The following GDF1 variants were observed in gnomAD, a reference collection of about 807,000 sequenced individuals.
GDF1 encodes the protein growth differentiation factor 1.
Under a neutral mutation model 7.4 loss-of-function variants are expected in GDF1, and 8 were observed. That is an observed-to-expected ratio of 1.09 (90% confidence interval 0.64 to 1.96). The LOEUF is 1.96. Among genes scored for constraint, GDF1 ranks in the 30% most tolerant of loss-of-function variants. The pLI, the probability that GDF1 is intolerant of heterozygous loss-of-function variation, is 0.00. For missense variants in GDF1, 574 were observed against 551.5 expected (o/e 1.04, Z -0.41); for synonymous variants, 311 against 276.7 (o/e 1.12, Z -1.23).
intron 3 of GDF1, among the ~76,000 whole-genome samples, chr19:18,882,880 A>T (rs555983672): frequency 1.3e-5 from 2 of 151,886 alleles, no homozygotes; most frequent in Non-Finnish European, 2.9e-5. Flanking sequence ...TTTAGTAGAG[A>T]CACGGTTTCA....
rs2146084568 is a variant in GDF1 at position 18,895,949 on chromosome 19, A to C, written c.-1199T>G. ...GCCAGGCCGCGACGCGCCAGCCCCC[A>C]GCCGCAGTCCGTGCAGCCCCGCGCC... On this transcript the variant is annotated 5_prime_UTR_variant, in exon 1 of 8. Coordinates refer to ENST00000247005, the MANE Select transcript of GDF1 (RefSeq NM_001492.6). This position sits in a 1 kb window ranked among gnomAD's most constrained non-coding sequence, Gnocchi z 6.4. 8.6e-7 allele frequency: 1 copy of C among 1,161,436 alleles called. No homozygotes were observed. The highest frequency in any genetic ancestry group is 2.6e-5 in the South Asian group (1 of 39,180). 71.9% of individuals were successfully genotyped at this position (1,161,436 alleles called of 1,614,324 possible).
intron 3 of GDF1, among the ~76,000 whole-genome samples, chr19:18,883,671 C>G (rs773662032): frequency 6.6e-6 from 1 of 152,244 alleles, no homozygotes; most frequent in Non-Finnish European, 1.5e-5. Context: ...GGCTCACTGA[C>G]GGCTGTGGTT....
At chr19:18,872,843 T>G (rs2055999258) in intron 6 of GDF1, among the ~76,000 whole-genome samples, 1 of 152,160 alleles carries the variant, frequency 6.6e-6, no homozygotes, top group Non-Finnish European at 1.5e-5. Flanking sequence ...GAGATGGGAT[T>G]TCACCACGTT....
At chr19:18,874,573 G>C (rs2056029113) in intron 6 of GDF1, among the ~76,000 whole-genome samples, 1 of 152,242 alleles carries the variant, frequency 6.6e-6, no homozygotes, top group South Asian at 2.1e-4. Flanking sequence ...AGAGGTGAGA[G>C]TGTCTCAACG....
intron 7 of GDF1, 96 bp downstream of exon 7, chr19:18,869,887 C>G: frequency 8.0e-7 from 1 of 1,253,992 alleles, no homozygotes; most frequent in Non-Finnish European, 1.1e-6. Flanking sequence ...GGGTGGGGAC[C>G]CTCGGAGCTG....
chr19:18,875,234 TAA>T (rs869211539), intron 6 of GDF1, among the ~76,000 whole-genome samples: 58 of 122,052 alleles, frequency 4.8e-4, no homozygotes, highest in Non-Finnish European at 4.0e-4. Flanking sequence ...GGACCGTCTC[TAA>T]AAAAAAAAAA....
chr19:18,884,417 A>ATT (rs11297387), intron 2 of GDF1, 150 bp from the exon 3 acceptor site: 817 of 560,402 alleles, frequency 1.5e-3, no homozygotes, highest in Non-Finnish European at 1.7e-3. Flanking sequence ...TCCCAATTCT[A>ATT]TTTTTTTTTT....
chr19:18,874,718 C>T (rs1269744939), intron 6 of GDF1, among the ~76,000 whole-genome samples: 1 of 152,188 alleles, frequency 6.6e-6, no homozygotes, highest in Admixed American at 6.5e-5. Context: ...TGGCTACCCA[C>T]ATCACCAGGG....
chr19:18,885,511 G>GTT (rs59793456), intron 2 of GDF1, among the ~76,000 whole-genome samples: 613 of 22,040 alleles, frequency 0.028, 38 homozygotes, highest in African/African-American at 0.059. Context: ...GCCCCTTCTC[G>GTT]TTTTTTTTTT....
rs1005717275 is a variant in GDF1 at position 18,878,019 on chromosome 19, A to G, written c.-313+911T>C. 8.1e-6 allele frequency: 8 copies of G among 985,254 alleles called. No individual in the cohort carries two copies. The highest frequency in any genetic ancestry group is 1.2e-4 in the Admixed American group (2 of 16,238). 61.0% of individuals were successfully genotyped at this position (985,254 alleles called of 1,614,324 possible). On this transcript the variant is annotated intron_variant, in intron 6 of 7. Coordinates refer to ENST00000247005, the MANE Select transcript of GDF1 (RefSeq NM_001492.6). This position sits in a 1 kb window ranked among gnomAD's most constrained non-coding sequence, Gnocchi z 4.6. ...GGGTCTGACGCTCCTCTGCCTGGCT[A>G]CAGCCCCGGATGTGTTAAATGTCTG...
chr19:18,869,063 GC>G lies in GDF1; in HGVS notation c.652del (p.Ala218ArgfsTer21). On this transcript the variant is annotated frameshift_variant, in exon 8 of 8. Transcript: ENST00000247005. LOFTEE classifies it low-confidence loss of function (END_TRUNC). ...SWPRSLRLAL[A>X]LRPRAPAACA... ...GGCGGCAGGGGCCCGGGGGCGTAGC[GC>G]CAGCGCCAGGCGGAGGCTGCGCGGC... The G allele has an allele frequency of 9.4e-7, 1 of 1,059,810 alleles. No homozygotes were observed. Among genetic ancestry groups the G allele is most frequent in the Non-Finnish European group, 1.1e-6 (1 of 879,002 alleles). 65.7% of individuals were successfully genotyped at this position (1,059,810 alleles called of 1,614,324 possible). A position where few individuals can be genotyped will look rare whatever the true frequency, so the allele number is the denominator to read the frequency against.
intron 2 of GDF1, among the ~76,000 whole-genome samples, chr19:18,890,880 T>C (rs187554827): frequency 3.0e-4 from 46 of 151,354 alleles, no homozygotes; most frequent in African/African-American, 1.1e-3. Context: ...TCCTGACACT[T>C]TGGGAGGCTG....
Position 18,870,243 on chromosome 19 carries a change from G to A in GDF1, c.65C>T (p.Pro22Leu). The change falls in exon 7 of 8, where the codon CCC becomes CTC. Residue 22 changes from proline (P) to leucine (L), a missense_variant. Coordinates refer to ENST00000247005, the MANE Select transcript of GDF1 (RefSeq NM_001492.6). This position sits in a 1 kb window ranked among gnomAD's most constrained non-coding sequence, Gnocchi z 5.1. The stretch of plus-strand genomic sequence containing the variant: ...GGGGGCGCGGGTCAGGGGCAGCGAG[G>A]GCAGCAGCAGGGCCAGGAGGAGGAG... ...HLLLLLALLL[P>L]SLPLTRAPVP... The A allele has an allele frequency of 6.4e-7, 1 of 1,552,918 alleles. No homozygotes were observed. The highest frequency in any genetic ancestry group is 8.7e-7 in the Non-Finnish European group (1 of 1,151,892).
In GDF1 at chr19:18,870,129, G is replaced by T. The variant is rs868299849; in HGVS notation, c.179C>A (p.Pro60Gln). The change falls in exon 7 of 8, where the codon CCG becomes CAG. Residue 60 changes from proline (P) to glutamine (Q), a missense_variant. By Grantham distance (76) the Pro-to-Gln change is moderately conservative (BLOSUM62 -1). Transcript: ENST00000247005. This position sits in a 1 kb window ranked among gnomAD's most constrained non-coding sequence, Gnocchi z 5.1. The part of the protein sequence containing the change: ...QGAPRLRPVP[P>Q]VMWRLFRRRD... Reference sequence around the variant, plus strand: ...GCGTCGAAACAGGCGCCACATGACCGGGGGAACCGGCCGGAGCCTGGGGGC... The same window carrying T: ...GCGTCGAAACAGGCGCCACATGACCTGGGGAACCGGCCGGAGCCTGGGGGC... 1 of 1,566,046 alleles carries T rather than the reference G, an allele frequency of 6.4e-7. No homozygotes were observed.
At position 18,895,749 on chromosome 19, in the gene GDF1, C is replaced by A; in HGVS notation, c.-1074+75G>T. 1 of 826,854 alleles carries A rather than the reference C, an allele frequency of 1.2e-6. No homozygotes were observed. 51.2% of individuals were successfully genotyped at this position (826,854 alleles called of 1,614,324 possible). A position where few individuals can be genotyped will look rare whatever the true frequency, so the allele number is the denominator to read the frequency against. Reference sequence around the variant, plus strand: ...GCCAGCGCTGGAAGAAAGGAACGCGCCGGCGGCCCCAGGTCCCCGGTCCCG... The same window carrying A: ...GCCAGCGCTGGAAGAAAGGAACGCGACGGCGGCCCCAGGTCCCCGGTCCCG... On this transcript the variant is annotated intron_variant, in intron 1 of 7. Transcript: ENST00000247005. The surrounding 1 kb of genome is among the most constrained non-coding windows in gnomAD (Gnocchi z 6.4).
At chr19:18,877,271 G>A (rs889456032) in intron 6 of GDF1, among the ~76,000 whole-genome samples, 2 of 152,214 alleles carry the variant, frequency 1.3e-5, no homozygotes, top group Non-Finnish European at 2.9e-5. Flanking sequence ...CCAGACACTG[G>A]TGGGGCTGGG....
At chr19:18,873,361 G>A (rs926724486) in intron 6 of GDF1, among the ~76,000 whole-genome samples, 2 of 152,014 alleles carry the variant, frequency 1.3e-5, no homozygotes, top group Non-Finnish European at 2.9e-5. Context: ...AAGGAGGCCA[G>A]CCAGGAGGCC....
rs779941388 is a variant in GDF1, at chr19:18,884,095, G to A, written c.-741C>T. 60 of 1,613,026 alleles carry A rather than the reference G, an allele frequency of 3.7e-5. No individual in the cohort carries two copies. In the Middle Eastern group the frequency reaches 9.9e-4, roughly 27 times the overall value. The stretch of plus-strand genomic sequence containing the variant: ...CCCGATCCTGTCCTTACCGGAAGGC[G>A]TAGGAGGAGACGATGAGGATGAGAG... On this transcript the variant is annotated 5_prime_UTR_variant, in exon 3 of 8. In the 5' UTR this introduces an upstream ATG that the reference lacks. Transcript: ENST00000247005.
chr19:18,893,439 T>C lies in GDF1; in HGVS notation c.-937A>G, dbSNP rs2056545309. The C allele has an allele frequency of 1.3e-5, 21 of 1,605,350 alleles. No individual in the cohort carries two copies. Among genetic ancestry groups the C allele is most frequent in the Non-Finnish European group, 1.8e-5 (21 of 1,176,340 alleles). On this transcript the variant is annotated 5_prime_UTR_variant, in exon 2 of 8. It removes an upstream start codon present in the reference 5' UTR. Transcript: ENST00000247005. ...ACCGTAGAAGACAGATGGTGGGTCA[T>C]GGAAGAAGGGGTAGTCGGTGCCAAA... is the stretch of plus-strand genomic sequence containing the variant.
Sources: allele counts gnomAD v4.1 joint callset (sites outside exome capture counted in the v4.1 genomes callset), GRCh38; gene constraint gnomAD v4.1.1; non-coding constraint Gnocchi (gnomAD v3.1); transcripts MANE v1.5; gene names NCBI Gene and HGNC (gene_info 2026-07-23, HGNC 2026-07-21).